SGK3: variants seen among roughly 807,000 people sequenced by gnomAD.
The protein encoded by SGK3 is serine/threonine-protein kinase Sgk3.
Under a neutral mutation model 68.5 loss-of-function variants are expected in SGK3, and 47 were observed. The observed-to-expected ratio is 0.69, with a 90% CI of 0.54 to 0.87. The LOEUF (loss-of-function observed/expected upper bound fraction) is 0.87. Among genes scored for constraint, SGK3 ranks in the 40% least tolerant of loss-of-function variants. The probability of loss-of-function intolerance (pLI) is 0.00; values close to 1 mark genes in which losing one functional copy is unlikely to be tolerated. For missense variants in SGK3, 479 were observed against 575.5 expected (o/e 0.83, Z 1.72); for synonymous variants, 181 against 189.1 (o/e 0.96, Z 0.35).
intron 1 of SGK3, among the ~76,000 whole-genome samples, chr8:66,714,439 A>G (rs1367162736): frequency 6.6e-6 from 1 of 152,220 alleles, no homozygotes. Context: ...TATTGTGACT[A>G]TGAATGTAAT....
intron 2 of SGK3, among the ~76,000 whole-genome samples, chr8:66,796,845 A>G (rs1807717033): frequency 6.6e-6 from 1 of 152,164 alleles, no homozygotes; most frequent in Non-Finnish European, 1.5e-5. Flanking sequence ...GACAAGACAG[A>G]CAATAAGGAA....
intron 10 of SGK3, among the ~76,000 whole-genome samples, chr8:66,839,519 A>G (rs1331011256): frequency 1.1e-4 from 5 of 45,242 alleles, no homozygotes; most frequent in South Asian, 7.6e-4. Context: ...ATATATATAT[A>G]TATATATATA....
chr8:66,804,505 A>G, intron 4 of SGK3, 58 bp downstream of exon 4: 1 of 1,556,038 alleles, frequency 6.4e-7, no homozygotes. Flanking sequence ...GAAGAAGTAA[A>G]TTAATGTATT....
chr8:66,746,959 T>C (rs1175771297), intron 1 of SGK3, among the ~76,000 whole-genome samples: 1 of 152,094 alleles, frequency 6.6e-6, no homozygotes, highest in African/African-American at 2.4e-5. Context: ...TTTACAAAGA[T>C]GAAATCCTGA....
intron 13 of SGK3, among the ~76,000 whole-genome samples, chr8:66,842,478 C>G (rs931440034): frequency 3.9e-5 from 6 of 151,938 alleles, no homozygotes; most frequent in African/African-American, 1.5e-4. Context: ...CCTCAGCCTC[C>G]CAATATTTTG....
intron 1 of SGK3, among the ~76,000 whole-genome samples, chr8:66,771,589 G>A (rs1304135415): frequency 6.6e-6 from 1 of 152,148 alleles, no homozygotes; most frequent in East Asian, 1.9e-4. Context: ...AACCTTTCTA[G>A]TCCAACTCCA....
At chr8:66,749,073 T>C (rs1234272892) in intron 1 of SGK3, among the ~76,000 whole-genome samples, 2 of 152,150 alleles carry the variant, frequency 1.3e-5, no homozygotes, top group Non-Finnish European at 2.9e-5. Context: ...AATCTCTAGA[T>C]ATTCTAAATG....
chr8:66,843,356 T>A lies in SGK3; in HGVS notation c.979-96T>A, dbSNP rs191330440. On this transcript the variant is annotated intron_variant, in intron 13 of 16. Coordinates refer to ENST00000521198, the MANE Select transcript of SGK3 (RefSeq NM_001033578.3). ...TCTAGATAATTTGGTTTCAGTATGA[T>A]AGCAACAACTAAAATTTGTTAAATT... is the stretch of plus-strand genomic sequence containing the variant. 5,882 of 1,243,870 alleles carry A rather than the reference T, an allele frequency of 4.7e-3. 27 individuals carry two copies. Among genetic ancestry groups the A allele is most frequent in the Middle Eastern group, 6.3e-3 (23 of 3,670 alleles). The allele number at this position is 1,243,870 out of a possible 1,614,324, so 77.1% of individuals were successfully genotyped here.
At chr8:66,785,287 C>T (rs1189334896) in intron 1 of SGK3, among the ~76,000 whole-genome samples, 1 of 152,234 alleles carries the variant, frequency 6.6e-6, no homozygotes, top group Admixed American at 6.5e-5. Flanking sequence ...CTTTCACCCA[C>T]AGCCACGTGA....
At chr8:66,849,682 A>C (rs1386833182) in intron 15 of SGK3, among the ~76,000 whole-genome samples, 1 of 151,070 alleles carries the variant, frequency 6.6e-6, no homozygotes, top group Non-Finnish European at 1.5e-5. Context: ...TGCAGCCTCA[A>C]CTTCCCAGGT....
chr8:66,718,449 ATGTGTGTGTG>A (rs34252246), intron 1 of SGK3, among the ~76,000 whole-genome samples: 10 of 147,162 alleles, frequency 6.8e-5, no homozygotes, highest in East Asian at 4.0e-4. Flanking sequence ...TATATATATT[ATGTGTGTGTG>A]TGTGTGTGTG....
chr8:66,826,916 A>G (rs1227402059), intron 6 of SGK3, among the ~76,000 whole-genome samples: 1 of 151,882 alleles, frequency 6.6e-6, no homozygotes, highest in Admixed American at 6.6e-5. Context: ...AAGTGCTGGG[A>G]TTACAGCCGT....
intron 1 of SGK3, among the ~76,000 whole-genome samples, chr8:66,749,016 G>A (rs545430683): frequency 2.9e-4 from 44 of 152,106 alleles, no homozygotes; most frequent in African/African-American, 9.2e-4. Flanking sequence ...CATCTCAGCC[G>A]CTTGAGTAGC....
intron 1 of SGK3, among the ~76,000 whole-genome samples, chr8:66,742,473 C>T (rs1350356222): frequency 6.6e-6 from 1 of 152,058 alleles, no homozygotes; most frequent in Non-Finnish European, 1.5e-5. Context: ...CCCAAGGGAT[C>T]CTCCCACCTC....
At chr8:66,794,516 C>G (rs1447341052) in intron 2 of SGK3, among the ~76,000 whole-genome samples, 2 of 151,540 alleles carry the variant, frequency 1.3e-5, no homozygotes, top group Admixed American at 1.3e-4. Flanking sequence ...TATTACTGAT[C>G]TGCTCTTCCT....
In SGK3 at chr8:66,859,724, C is replaced by A. The variant is rs988763924; in HGVS notation, c.*143C>A. ...TGAAAACTATGAAAAAATGTATTTT[C>A]TTCTATGTGCAAGAAAAATAGGGCA... On this transcript the variant is annotated 3_prime_UTR_variant, in exon 17 of 17. Transcript: ENST00000521198. 6 of 1,000,608 alleles carry A rather than the reference C, an allele frequency of 6.0e-6. No homozygotes were observed. The East Asian group carries it at 1.2e-4, about 19-fold the overall frequency. 62.0% of individuals were successfully genotyped at this position (1,000,608 alleles called of 1,614,324 possible). A position where few individuals can be genotyped will look rare whatever the true frequency, so the allele number is the denominator to read the frequency against.
At chr8:66,732,080 C>T (rs1016929362) in intron 1 of SGK3, among the ~76,000 whole-genome samples, 3 of 152,128 alleles carry the variant, frequency 2.0e-5, no homozygotes, top group East Asian at 3.9e-4. Context: ...TCCATCTTCA[C>T]GACAATTAGA....
chr8:66,836,043 A>G lies in SGK3; in HGVS notation c.710A>G (p.Tyr237Cys). ...TCCTTCCAAACAACTGAAAAGCTTT[A>G]TTTTGTTCTGGATTTTGTTAATGGA... ...HYSFQTTEKL[Y>C]FVLDFVNGGE... is the part of the protein sequence containing the mutation. Residue 237 changes from tyrosine to cysteine, a missense_variant, in exon 10 of 17, where the codon TAT (tyrosine) becomes TGT (cysteine). Around this residue, in one of 3 missense-constraint regions of SGK3, gnomAD observed 298 missense variants for 329.4 expected, o/e 0.90. Transcript: ENST00000521198. 6.2e-7 allele frequency: 1 copy of G among 1,613,404 alleles called. No individual in the cohort carries two copies. The highest frequency in any genetic ancestry group is 1.1e-5 in the South Asian group (1 of 90,984).
rs1456423831 is a variant in SGK3 at position 66,861,865 on chromosome 8, G to C, written c.*2284G>C. The C allele has an allele frequency of 1.3e-5, 2 of 152,016 alleles. No individual in the cohort carries two copies. Among genetic ancestry groups the C allele is most frequent in the Non-Finnish European group, 2.9e-5 (2 of 68,000 alleles). The allele number at this position is 152,016 out of a possible 1,614,324, so 9.4% of individuals were successfully genotyped here. ...AGCAAAATAAAAATTCTAGTTTCTT[G>C]TATGATTTTTTGTACTCATTCATTC... On this transcript the variant is annotated 3_prime_UTR_variant, in exon 17 of 17. Coordinates refer to ENST00000521198, the MANE Select transcript of SGK3 (RefSeq NM_001033578.3).
Sources: gnomAD v4.1 joint callset for allele counts (sites outside exome capture counted in the v4.1 genomes callset) on GRCh38, gnomAD v4.1.1 for gene constraint, gnomAD v4.1.1 regional missense constraint, MANE v1.5 for transcripts, NCBI Gene and HGNC (gene_info 2026-07-23, HGNC 2026-07-21) for gene names.